FANCB: variants seen among roughly 807,000 people sequenced by gnomAD.
FANCB encodes the protein FA complementation group B.
A neutral mutation model predicts 38.9 loss-of-function variants in FANCB; 5 were observed. The observed-to-expected ratio is 0.13, with a 90% confidence interval of 0.07 to 0.27. The LOEUF is 0.27. Among genes scored for constraint, FANCB ranks in the 10% least tolerant of loss-of-function variants. The pLI is 1.00. For synonymous variants in FANCB, 236 were observed against 215.4 expected (o/e 1.10, Z -0.84); for missense variants, 573 against 602.7 (o/e 0.95, Z 0.52).
chrX:14,736,133 T>C, the FANCB span, among the ~76,000 whole-genome samples: 6 of 111,314 alleles, frequency 5.4e-5, no homozygotes, highest in Non-Finnish European at 1.1e-4. Context: ...TGTGCTGGCA[T>C]TGAGAATTTC....
chrX:14,811,457 A>G, the FANCB span, among the ~76,000 whole-genome samples: 9 of 111,234 alleles, frequency 8.1e-5, no homozygotes, highest in East Asian at 2.3e-3. Context: ...GCTCAAAATA[A>G]AAGGATGGAG....
the FANCB span, among the ~76,000 whole-genome samples, chrX:14,729,684 C>T: frequency 1.8e-5 from 2 of 111,065 alleles, no homozygotes; most frequent in African/African-American, 6.5e-5. Context: ...ATATAAGGGG[C>T]TCACCTTAGA....
intron 4 of FANCB, among the ~76,000 whole-genome samples, chrX:14,858,184 G>A (rs1467063590): frequency 9.0e-6 from 1 of 111,145 alleles, no homozygotes; most frequent in Admixed American, 9.5e-5. Flanking sequence ...CTGAGGTCAG[G>A]AGTTCCAGAC....
At chrX:14,801,922 A>G in the FANCB span, among the ~76,000 whole-genome samples, 1 of 111,235 alleles carries the variant, frequency 9.0e-6, no homozygotes, top group South Asian at 3.8e-4. Flanking sequence ...GGACAATAAG[A>G]AGCGCTCTGT....
At chrX:14,727,882 CCTTGTCCAA>C in the FANCB span, among the ~76,000 whole-genome samples, 1 of 111,353 alleles carries the variant, frequency 9.0e-6, no homozygotes, top group Non-Finnish European at 1.9e-5. Context: ...CAGATAGAGC[CCTTGTCCAA>C]CTTCATCAAT....
the FANCB span, among the ~76,000 whole-genome samples, chrX:14,823,079 C>CTTTTTTTTTTT: frequency 2.0e-4 from 14 of 71,104 alleles, no homozygotes; most frequent in East Asian, 1.6e-3. Flanking sequence ...TACCCTTTTA[C>CTTTTTTTTTTT]TTTTTTTTTT....
chrX:14,728,927 G>T, the FANCB span, among the ~76,000 whole-genome samples: 1 of 111,950 alleles, frequency 8.9e-6, no homozygotes, highest in Non-Finnish European at 1.9e-5. Context: ...TCCCCATTTT[G>T]CACATGATCA....
chrX:14,690,741 T>C, the FANCB span: 1 of 1,205,003 alleles, frequency 8.3e-7, no homozygotes, highest in Non-Finnish European at 1.1e-6. Context: ...GACATCTGGA[T>C]GGCGGTGTGC....
the FANCB span, among the ~76,000 whole-genome samples, chrX:14,696,469 C>G: frequency 9.0e-6 from 1 of 111,712 alleles, no homozygotes; most frequent in African/African-American, 3.3e-5. Context: ...GACAGCAAGG[C>G]AGTCCAGGAA....
the FANCB span, among the ~76,000 whole-genome samples, chrX:14,743,581 T>C: frequency 5.5e-5 from 6 of 109,678 alleles, no homozygotes; most frequent in African/African-American, 2.0e-4. Context: ...TCTTTCTTTT[T>C]TTTTTTTTTT....
intron 3 of FANCB, 75 bp downstream of exon 3, chrX:14,864,485 G>T: frequency 3.0e-6 from 2 of 658,666 alleles, no homozygotes; most frequent in South Asian, 2.2e-5. Flanking sequence ...ACTCCAGAAT[G>T]AACTCTATGA....
the FANCB span, among the ~76,000 whole-genome samples, chrX:14,752,980 G>GAC: frequency 0.098 from 6,727 of 68,390 alleles, 261 homozygotes; most frequent in East Asian, 0.12. Flanking sequence ...CTCTCTCTCT[G>GAC]ACACACACAC....
At chrX:14,796,669 CACACACACACACACGTCTATATAT>C in the FANCB span, among the ~76,000 whole-genome samples, 7 of 82,399 alleles carry the variant, frequency 8.5e-5, no homozygotes, top group African/African-American at 2.9e-4. Context: ...TATACACACA[CACACACACACACACGTCTATATAT>C]ACACACACAC....
At chrX:14,738,577 G>A in the FANCB span, among the ~76,000 whole-genome samples, 78 of 112,288 alleles carry the variant, frequency 6.9e-4, no homozygotes, top group Middle Eastern at 4.6e-3. Context: ...AGAAATTACA[G>A]AAGGTAACTA....
chrX:14,740,912 A>C, the FANCB span, among the ~76,000 whole-genome samples: 1 of 110,879 alleles, frequency 9.0e-6, no homozygotes, highest in Non-Finnish European at 1.9e-5. Flanking sequence ...CTTTCTGACA[A>C]TTGGTATTTT....
the FANCB span, among the ~76,000 whole-genome samples, chrX:14,782,965 G>C: frequency 9.0e-6 from 1 of 111,035 alleles, no homozygotes; most frequent in Non-Finnish European, 1.9e-5. Flanking sequence ...AAAATGCACC[G>C]AACCTTATGT....
chrX:14,776,736 A>G, the FANCB span, among the ~76,000 whole-genome samples: 3 of 112,702 alleles, frequency 2.7e-5, no homozygotes, highest in Non-Finnish European at 3.7e-5. Context: ...AGTAATTCAA[A>G]GGAAACACCA....
chrX:14,808,503 A>T, the FANCB span, among the ~76,000 whole-genome samples: 2 of 112,154 alleles, frequency 1.8e-5, no homozygotes, highest in African/African-American at 6.5e-5. Flanking sequence ...GCATTTGATA[A>T]AATTCAACAT....
At chrX:14,770,032 A>G in the FANCB span, among the ~76,000 whole-genome samples, 1 of 112,121 alleles carries the variant, frequency 8.9e-6, no homozygotes, top group African/African-American at 3.2e-5. Flanking sequence ...GTTCTTTTGC[A>G]TTTGCTAAGG....
Sources: allele counts gnomAD v4.1 joint callset (sites outside exome capture counted in the v4.1 genomes callset), GRCh38; gene constraint gnomAD v4.1.1; transcripts MANE v1.5; gene names NCBI Gene and HGNC (gene_info 2026-07-23, HGNC 2026-07-21).